Variants in MSRA observed in about 807,000 individuals in gnomAD.
The protein encoded by MSRA is mitochondrial peptide methionine sulfoxide reductase.
A neutral mutation model predicts 31.3 loss-of-function variants in MSRA; 54 were observed. The ratio of observed to expected loss-of-function variants is 1.73; its 90% CI spans 1.39 to 2.17. The LOEUF is 2.17. Among genes scored for constraint, MSRA ranks in the 30% most tolerant of loss-of-function variants. The pLI, the probability that MSRA is intolerant of heterozygous loss-of-function variation, is 0.00. For synonymous variants in MSRA, 169 were observed against 116.5 expected (o/e 1.45, Z -2.90); for missense variants, 507 against 300.9 (o/e 1.69, Z -5.07).
chr8:10,172,628 G>T (rs1215361985), intron 1 of MSRA, among the ~76,000 whole-genome samples: 1 of 152,114 alleles, frequency 6.6e-6, no homozygotes, highest in Non-Finnish European at 1.5e-5. Context: ...AAAAGAAATG[G>T]CTCCACTTGA....
chr8:10,202,690 C>G (rs962001581), intron 1 of MSRA, among the ~76,000 whole-genome samples: 1 of 152,160 alleles, frequency 6.6e-6, no homozygotes, highest in Admixed American at 6.5e-5. Flanking sequence ...GTTCCTGAAA[C>G]AGACCTGTTG....
intron 5 of MSRA, among the ~76,000 whole-genome samples, chr8:10,384,228 C>T (rs567085859): frequency 6.6e-6 from 1 of 152,194 alleles, no homozygotes. Context: ...ATAGCAACCA[C>T]CTGCCTTGAA....
chr8:10,364,560 C>T (rs950345534), intron 5 of MSRA, among the ~76,000 whole-genome samples: 2 of 152,152 alleles, frequency 1.3e-5, no homozygotes, highest in African/African-American at 4.8e-5. Flanking sequence ...TCTCATACAC[C>T]AAAAAATATC....
At chr8:10,132,535 C>T (rs373477584) in intron 1 of MSRA, among the ~76,000 whole-genome samples, 2 of 152,144 alleles carry the variant, frequency 1.3e-5, no homozygotes, top group Non-Finnish European at 2.9e-5. Flanking sequence ...AGTCCAAGAT[C>T]AAGGCACTGG....
At chr8:10,099,472 A>G (rs2128931886) in intron 1 of MSRA, among the ~76,000 whole-genome samples, 1 of 152,336 alleles carries the variant, frequency 6.6e-6, no homozygotes, top group South Asian at 2.1e-4. Flanking sequence ...TTTTCAGGTT[A>G]CCAAATACCT....
At chr8:10,239,579 T>A (rs946007250) in intron 2 of MSRA, among the ~76,000 whole-genome samples, 1 of 152,258 alleles carries the variant, frequency 6.6e-6, no homozygotes, top group African/African-American at 2.4e-5. Context: ...CGATTGTACC[T>A]GGCAAACTCC....
At chr8:10,210,371 C>T (rs1437681752) in intron 2 of MSRA, among the ~76,000 whole-genome samples, 1 of 152,136 alleles carries the variant, frequency 6.6e-6, no homozygotes, top group Non-Finnish European at 1.5e-5. Context: ...TTCAAGGAAC[C>T]ATGGGAAGGC....
At chr8:10,345,779 T>C (rs1803731834) in intron 5 of MSRA, among the ~76,000 whole-genome samples, 1 of 152,222 alleles carries the variant, frequency 6.6e-6, no homozygotes, top group Admixed American at 6.5e-5. Context: ...AATCAAGATG[T>C]GTTTGCATGA....
chr8:10,161,956 CAAGAG>C (rs1804695821), intron 1 of MSRA, among the ~76,000 whole-genome samples: 2 of 152,170 alleles, frequency 1.3e-5, no homozygotes, highest in Non-Finnish European at 2.9e-5. Flanking sequence ...GGTCTGAATA[CAAGAG>C]CGCACTGCAT....
At chr8:10,106,283 A>G (rs567322715) in intron 1 of MSRA, among the ~76,000 whole-genome samples, 2 of 152,242 alleles carry the variant, frequency 1.3e-5, no homozygotes, top group East Asian at 1.9e-4. Context: ...CTCGTTTGCC[A>G]TTTACTGCAG....
chr8:10,377,178 G>T (rs1805804098), intron 5 of MSRA, among the ~76,000 whole-genome samples: 1 of 152,264 alleles, frequency 6.6e-6, no homozygotes, highest in African/African-American at 2.4e-5. Context: ...CGATTTGCCT[G>T]CTGTACAGGT....
chr8:10,399,513 C>T (rs1807309968), intron 5 of MSRA, among the ~76,000 whole-genome samples: 1 of 152,152 alleles, frequency 6.6e-6, no homozygotes. Flanking sequence ...TGGCCGTGCA[C>T]CTGCTACCAC....
At chr8:10,353,556 C>T (rs1044390404) in intron 5 of MSRA, 23 of 454,874 alleles carry the variant, frequency 5.1e-5, no homozygotes, top group Admixed American at 1.9e-4. Context: ...GTTTCTGTAA[C>T]GAGATGCAAT....
chr8:10,213,435 T>TC (rs1306577401), intron 2 of MSRA, among the ~76,000 whole-genome samples: 1 of 137,482 alleles, frequency 7.3e-6, no homozygotes, highest in Non-Finnish European at 1.5e-5. Flanking sequence ...ACACTTTCTT[T>TC]TTTTTTTTTT....
chr8:10,340,059 G>A (rs1300246972), intron 5 of MSRA, among the ~76,000 whole-genome samples: 6 of 152,158 alleles, frequency 3.9e-5, no homozygotes, highest in Non-Finnish European at 7.3e-5. Flanking sequence ...GGCCCGTGTG[G>A]TATGAGAATA....
At chr8:10,413,104 C>G (rs1039931299) in intron 5 of MSRA, among the ~76,000 whole-genome samples, 4 of 152,208 alleles carry the variant, frequency 2.6e-5, no homozygotes, top group Non-Finnish European at 4.4e-5. Flanking sequence ...AAACACCACA[C>G]TGAGGAATGC....
At chr8:10,131,906 T>C (rs1313482424) in intron 1 of MSRA, among the ~76,000 whole-genome samples, 1 of 152,226 alleles carries the variant, frequency 6.6e-6, no homozygotes, top group Non-Finnish European at 1.5e-5. Context: ...TAATTTTCTT[T>C]TAATGGAAAA....
intron 3 of MSRA, among the ~76,000 whole-genome samples, chr8:10,274,964 A>G (rs578167139): frequency 1.3e-5 from 2 of 152,294 alleles, no homozygotes; most frequent in South Asian, 4.1e-4. Context: ...ACTCAATTAA[A>G]CTAATATTAT....
At chr8:10,352,406 T>A (rs1804210206) in intron 5 of MSRA, among the ~76,000 whole-genome samples, 2 of 152,154 alleles carry the variant, frequency 1.3e-5, no homozygotes, top group Non-Finnish European at 2.9e-5. Flanking sequence ...GCTTTGGGAC[T>A]ACAAGTTCAG....
Sources: allele counts gnomAD v4.1 joint callset (sites outside exome capture counted in the v4.1 genomes callset), GRCh38; gene constraint gnomAD v4.1.1; transcripts MANE v1.5; gene names NCBI Gene and HGNC (gene_info 2026-07-23, HGNC 2026-07-21).